Variants in ST7L observed in about 807,000 individuals in gnomAD.
ST7L encodes the protein suppression of tumorigenicity 7 like.
Under a neutral mutation model 72.5 loss-of-function variants are expected in ST7L, and 57 were observed. The observed-to-expected ratio is 0.79, with a 90% confidence interval of 0.64 to 0.98. ST7L has a LOEUF of 0.98. Among genes scored for constraint, ST7L ranks in the 50% least tolerant of loss-of-function variants. ST7L has a pLI of 0.00. For missense variants in ST7L, 576 were observed against 672.2 expected (o/e 0.86, Z 1.58); for synonymous variants, 221 against 240.9 (o/e 0.92, Z 0.77).
intron 14 of ST7L, chr1:112,541,743 T>C (rs988901498): frequency 8.1e-7 from 1 of 1,234,590 alleles, no homozygotes; most frequent in South Asian, 3.0e-5. Flanking sequence ...TCTTATATTG[T>C]ATTCTTTAAA....
intron 6 of ST7L, 93 bp from the exon 7 acceptor site, chr1:112,584,219 A>C: frequency 7.8e-7 from 1 of 1,275,848 alleles, no homozygotes; most frequent in Non-Finnish European, 1.0e-6. Context: ...ATATTTCCTT[A>C]CCTACACTTT....
intron 9 of ST7L, among the ~76,000 whole-genome samples, chr1:112,581,230 A>C (rs1223822599): frequency 6.6e-6 from 1 of 152,180 alleles, no homozygotes; most frequent in South Asian, 2.1e-4. Context: ...CTTCTCTGTT[A>C]GGCTTGCTTG....
intron 3 of ST7L, among the ~76,000 whole-genome samples, 183 bp from the exon 4 acceptor site, chr1:112,601,031 G>A (rs866109352): frequency 8.5e-5 from 13 of 152,244 alleles, no homozygotes; most frequent in Middle Eastern, 3.4e-3. Flanking sequence ...TGTCTCCATA[G>A]TATTTGGTTC....
intron 14 of ST7L, chr1:112,527,143 A>G (rs1428708180): frequency 6.6e-6 from 1 of 152,266 alleles, no homozygotes; most frequent in African/African-American, 2.4e-5. Context: ...TCAATCCTGT[A>G]ATGTTTTCTG....
intron 1 of ST7L, chr1:112,617,983 A>T: frequency 7.7e-7 from 1 of 1,303,802 alleles, no homozygotes; most frequent in East Asian, 5.5e-5. Context: ...AAAAAAACCA[A>T]AATATTTCCG....
intron 14 of ST7L, chr1:112,528,403 A>G (rs1158983432): frequency 6.6e-6 from 1 of 152,180 alleles, no homozygotes; most frequent in Non-Finnish European, 1.5e-5. Flanking sequence ...AGCATCCCCT[A>G]TAGAGCCACA....
In ST7L at chr1:112,550,649, A is replaced by G; in HGVS notation, c.1441T>C (p.Tyr481His). Residue 481 changes from tyrosine to histidine, a missense_variant, in exon 13 of 15, where the codon TAC becomes CAC. Physicochemically the swap from Tyr to His is moderately conservative, Grantham distance 83. Transcript: ENST00000358039. The part of the protein sequence containing the change: ...PYPLEKGHLF[Y>H]PYPSCTETAD... ...GTCTCTGTGCAGCTGGGATAAGGGT[A>G]AAATAGATGTCCTTTCTCTAACGGG... The G allele has an allele frequency of 6.2e-7, 1 of 1,613,594 alleles. No homozygotes were observed. Among genetic ancestry groups the G allele is most frequent in the Non-Finnish European group, 8.5e-7 (1 of 1,179,688 alleles).
chr1:112,611,082 T>C (rs1187928960), intron 2 of ST7L, 79 bp from the exon 3 acceptor site: 1 of 1,417,082 alleles, frequency 7.1e-7, no homozygotes. Flanking sequence ...TCTCTCAAGA[T>C]GTCCTGTTCA....
chr1:112,603,607 T>C (rs1027373141), intron 3 of ST7L, among the ~76,000 whole-genome samples: 10 of 152,258 alleles, frequency 6.6e-5, no homozygotes, highest in African/African-American at 9.6e-5. Flanking sequence ...AACTGAACTT[T>C]TTCTTGTTGT....
chr1:112,582,733 A>T (rs1664319080), intron 7 of ST7L, among the ~76,000 whole-genome samples: 1 of 152,148 alleles, frequency 6.6e-6, no homozygotes, highest in South Asian at 2.1e-4. Context: ...TCTAATAGTA[A>T]CTTAAGTACA....
At chr1:112,577,255 G>A (rs560336733) in intron 10 of ST7L, among the ~76,000 whole-genome samples, 167 bp from the exon 11 acceptor site, 30 of 150,484 alleles carry the variant, frequency 2.0e-4, no homozygotes, top group Non-Finnish European at 3.7e-4. Flanking sequence ...CTGGCCGGGC[G>A]CAGTGGCTCA....
intron 6 of ST7L, among the ~76,000 whole-genome samples, chr1:112,584,528 C>T (rs1219710557): frequency 6.6e-6 from 1 of 152,042 alleles, no homozygotes; most frequent in Non-Finnish European, 1.5e-5. Context: ...GCTTTTGTCA[C>T]CCAGGCTGGA....
chr1:112,605,254 G>A (rs1418995558), intron 3 of ST7L, among the ~76,000 whole-genome samples: 1 of 151,902 alleles, frequency 6.6e-6, no homozygotes, highest in East Asian at 1.9e-4. Context: ...TTAGCTGGGT[G>A]CAGTGGCAGG....
intron 11 of ST7L, among the ~76,000 whole-genome samples, chr1:112,556,775 C>G (rs1249346722): frequency 2.0e-5 from 3 of 151,762 alleles, no homozygotes; most frequent in Non-Finnish European, 4.4e-5. Context: ...CGAGATCATC[C>G]TGACCAACAT....
intron 3 of ST7L, among the ~76,000 whole-genome samples, chr1:112,601,338 C>T (rs6674068): frequency 0.22 from 32,738 of 151,972 alleles, 3,731 homozygotes; most frequent in Non-Finnish European, 0.26. Context: ...CTCCATCTCC[C>T]GGGTTCACGC....
At chr1:112,619,353 T>C, upstream of ST7L, 3 of 590,782 alleles carry the variant, frequency 5.1e-6, no homozygotes, top group Non-Finnish European at 6.0e-6. Flanking sequence ...TGGACTGAGA[T>C]GTGACCCCGA....
intron 4 of ST7L, among the ~76,000 whole-genome samples, chr1:112,599,073 A>AAAAAAAAAAAAAT (rs1190968815): frequency 7.0e-5 from 4 of 57,004 alleles, no homozygotes; most frequent in Non-Finnish European, 1.2e-4. Context: ...AAAAAAAAAA[A>AAAAAAAAAAAAAT]ATATATATAT....
intron 11 of ST7L, among the ~76,000 whole-genome samples, chr1:112,563,693 T>C (rs1347218733): frequency 6.6e-6 from 1 of 152,214 alleles, no homozygotes; most frequent in East Asian, 1.9e-4. Flanking sequence ...AAGGCTCCTT[T>C]GGAAGCTATG....
rs1666818223 is a variant in ST7L at position 112,598,452 on chromosome 1, A to C, written c.507-366T>G. Among the ~76,000 whole-genome samples the C allele has an allele frequency of 1.3e-5, 2 of 151,424 alleles. 1 individual carries two copies. The highest frequency in any genetic ancestry group is 4.2e-4 in the South Asian group (2 of 4,792). ...AGTGAGCCCTGTCTTTACCAGAAAAAAAAAAAAAAAAATTCAGCCAGGTGC... is the reference window on the plus strand; with the variant it reads ...AGTGAGCCCTGTCTTTACCAGAAAACAAAAAAAAAAAATTCAGCCAGGTGC... On this transcript the variant is annotated intron_variant, in intron 4 of 14. Transcript: ENST00000358039.
Sources: allele counts gnomAD v4.1 joint callset (sites outside exome capture counted in the v4.1 genomes callset), GRCh38; gene constraint gnomAD v4.1.1; transcripts MANE v1.5; gene names NCBI Gene and HGNC (gene_info 2026-07-23, HGNC 2026-07-21).